Variants in NKD1 observed in about 807,000 individuals in gnomAD.
The protein encoded by NKD1 is protein naked cuticle homolog 1.
A neutral mutation model predicts 56.0 loss-of-function variants in NKD1; 21 were observed. That is an observed-to-expected ratio of 0.38 (90% confidence interval 0.27 to 0.54). The LOEUF (loss-of-function observed/expected upper bound fraction) is 0.54. Ranked by LOEUF, NKD1 falls within the 20% of genes least tolerant of loss-of-function variation. NKD1 has a pLI of 0.82. For synonymous variants in NKD1, 263 were observed against 265.7 expected (o/e 0.99, Z 0.10); for missense variants, 578 against 642.7 (o/e 0.90, Z 1.09).
intron 6 of NKD1, among the ~76,000 whole-genome samples, chr16:50,626,621 C>A (rs1273893656): frequency 6.6e-6 from 1 of 152,178 alleles, no homozygotes; most frequent in Non-Finnish European, 1.5e-5. Flanking sequence ...TCCAGCAGGG[C>A]CAGACTTCTG....
At chr16:50,619,092 G>A (rs1477870014) in intron 4 of NKD1, among the ~76,000 whole-genome samples, 2 of 152,180 alleles carry the variant, frequency 1.3e-5, no homozygotes, top group African/African-American at 4.8e-5. Context: ...TTGAAGTTTG[G>A]TTTCGACAAG....
rs191018794 is a variant in NKD1 at position 50,584,771 on chromosome 16, A to G, written c.193-23523A>G. On this transcript the variant is annotated intron_variant, in intron 3 of 9. Transcript: ENST00000268459. Reference sequence around the variant, plus strand: ...GTTTGGTTTCTTTCCCTTGACCTCCATGGATAAACAAGGGTCTCTTTCATT... The same window carrying G: ...GTTTGGTTTCTTTCCCTTGACCTCCGTGGATAAACAAGGGTCTCTTTCATT... 6.8e-4 allele frequency among the ~76,000 whole-genome samples: 104 copies of G among 152,314 alleles called. No individual in the cohort carries two copies. In the East Asian group the frequency reaches 8.1e-3, roughly 12 times the overall value.
intron 5 of NKD1, among the ~76,000 whole-genome samples, chr16:50,622,299 T>C (rs976374458): frequency 4.6e-5 from 7 of 152,090 alleles, no homozygotes; most frequent in Non-Finnish European, 8.8e-5. Flanking sequence ...AGGGAGTCTT[T>C]GGGAAAAGAA....
intron 3 of NKD1, among the ~76,000 whole-genome samples, chr16:50,550,296 G>A (rs895759695): frequency 1.3e-5 from 2 of 152,134 alleles, no homozygotes; most frequent in Non-Finnish European, 2.9e-5. Context: ...GGCAGTCTGC[G>A]TGGAACTCGC....
At chr16:50,618,268 A>C (rs753824171) in intron 4 of NKD1, among the ~76,000 whole-genome samples, 1 of 152,090 alleles carries the variant, frequency 6.6e-6, no homozygotes, top group Non-Finnish European at 1.5e-5. Context: ...GGCCCCCAAA[A>C]GATAATTTCT....
chr16:50,579,435 C>T (rs1490260465), intron 3 of NKD1, among the ~76,000 whole-genome samples: 6 of 144,556 alleles, frequency 4.2e-5, no homozygotes, highest in Non-Finnish European at 7.6e-5. Flanking sequence ...CCGCTACACA[C>T]GCACTCTAAC....
Position 50,632,466 on chromosome 16 carries a change from C to T in NKD1, c.823+58C>T. ...GAGGGCAGGGCGTGGCTGGACGGGC[C>T]AGGCGGGCCGTGCGGGTGGTGTTCA... is the stretch of plus-strand genomic sequence containing the variant. On this transcript the variant is annotated intron_variant, in intron 9 of 9. Coordinates refer to ENST00000268459, the MANE Select transcript of NKD1 (RefSeq NM_033119.5). This position sits in a 1 kb window ranked among gnomAD's most constrained non-coding sequence, Gnocchi z 4.1. 2 of 1,599,636 alleles carry T rather than the reference C, an allele frequency of 1.3e-6. No homozygotes were observed. The highest frequency in any genetic ancestry group is 2.2e-5 in the South Asian group (2 of 90,202).
At chr16:50,592,284 A>G (rs7204135) in intron 3 of NKD1, among the ~76,000 whole-genome samples, 78,720 of 152,110 alleles carry the variant, frequency 0.52, 21,515 homozygotes, top group African/African-American at 0.63. Flanking sequence ...CACTGTCCCC[A>G]AGTCACTGGC....
At position 50,640,988 on chromosome 16, in the gene NKD1, G is replaced by T. The variant is rs1962568755; in HGVS notation, c.*7207G>T. The T allele has an allele frequency of 6.6e-6, 1 of 152,232 alleles. No individual in the cohort carries two copies. Among genetic ancestry groups the T allele is most frequent in the South Asian group, 2.1e-4 (1 of 4,830 alleles). 9.4% of individuals were successfully genotyped at this position (152,232 alleles called of 1,614,324 possible). A position where few individuals can be genotyped will look rare whatever the true frequency, so the allele number is the denominator to read the frequency against. ...AGAGACGGGAGACCTGAGACTCCAG[G>T]TGGGGGTGTGGAGTCCAAATGGACA... On this transcript the variant is annotated 3_prime_UTR_variant, in exon 10 of 10. Transcript: ENST00000268459.
chr16:50,608,156 G>C, intron 3 of NKD1, 138 bp from the exon 4 acceptor site: 1 of 722,690 alleles, frequency 1.4e-6, no homozygotes, highest in South Asian at 1.5e-5. Flanking sequence ...TAACTTTTCA[G>C]GTGCAATAGG....
intron 6 of NKD1, among the ~76,000 whole-genome samples, chr16:50,627,738 C>T (rs1418844230): frequency 6.6e-6 from 1 of 152,202 alleles, no homozygotes; most frequent in Non-Finnish European, 1.5e-5. Flanking sequence ...CACACCGATT[C>T]CTACGTGTCT....
At position 50,623,995 on chromosome 16, in the gene NKD1, C is replaced by T. The variant is rs1005612826; in HGVS notation, c.367-1490C>T. Reference sequence around the variant, plus strand: ...TGGCTTTGAACTCAGCGTGGGCGCCCGAGAATTGCTGGAGGGAAATGGCTT... The same window carrying T: ...TGGCTTTGAACTCAGCGTGGGCGCCTGAGAATTGCTGGAGGGAAATGGCTT... On this transcript the variant is annotated intron_variant, in intron 5 of 9. Transcript: ENST00000268459. This position sits in a 1 kb window ranked among gnomAD's most constrained non-coding sequence, Gnocchi z 4.1. Among the ~76,000 whole-genome samples the T allele has an allele frequency of 3.3e-5, 5 of 152,012 alleles. No individual in the cohort carries two copies. Among genetic ancestry groups the T allele is most frequent in the Admixed American group, 2.6e-4 (4 of 15,260 alleles).
In NKD1 at chr16:50,594,673, G is replaced by T. The variant is rs183795226; in HGVS notation, c.193-13621G>T. Among the ~76,000 whole-genome samples the T allele has an allele frequency of 1.1e-3, 160 of 152,286 alleles. 2 individuals carry two copies. Among genetic ancestry groups the T allele is most frequent in the Non-Finnish European group, 5.1e-4 (35 of 68,034 alleles). ...AGGAGGTATGGGCTTTCATTCTCCTGCACCAGGCTCAGGGCCACCTGGGGT... is the reference window on the plus strand; with the variant it reads ...AGGAGGTATGGGCTTTCATTCTCCTTCACCAGGCTCAGGGCCACCTGGGGT... On this transcript the variant is annotated intron_variant, in intron 3 of 9. Coordinates refer to ENST00000268459, the MANE Select transcript of NKD1 (RefSeq NM_033119.5).
At chr16:50,624,270 A>G (rs983015600) in intron 5 of NKD1, among the ~76,000 whole-genome samples, 13 of 152,080 alleles carry the variant, frequency 8.5e-5, no homozygotes, top group African/African-American at 3.1e-4. Context: ...CATGCTTCCT[A>G]GAACTGTCTA....
At position 50,625,479 on chromosome 16, in the gene NKD1, A is replaced by G. The variant is rs368290128; in HGVS notation, c.367-6A>G. On this transcript the variant is annotated splice_region_variant and splice_polypyrimidine_tract_variant and intron_variant, in intron 5 of 9. Coordinates refer to ENST00000268459, the MANE Select transcript of NKD1 (RefSeq NM_033119.5). ...GGACCAGCCCCGCCCATCTCTCTGC[A>G]TCCAGGAGCTCCAGTGCGACGTGTC... 1.3e-4 allele frequency: 206 copies of G among 1,604,116 alleles called. No homozygotes were observed. The highest frequency in any genetic ancestry group is 1.7e-4 in the Non-Finnish European group (201 of 1,171,396).
chr16:50,633,953 C>A lies in NKD1; in HGVS notation c.*172C>A. The stretch of plus-strand genomic sequence containing the variant: ...GTAGAAGATCTATGGAAACACAGAA[C>A]TAAACTTTTATTTATATGTTGTGGG... On this transcript the variant is annotated 3_prime_UTR_variant, in exon 10 of 10. Coordinates refer to ENST00000268459, the MANE Select transcript of NKD1 (RefSeq NM_033119.5). The surrounding 1 kb of genome is among the most constrained non-coding windows in gnomAD (Gnocchi z 4.9). The A allele has an allele frequency of 1.9e-6, 1 of 516,794 alleles. No homozygotes were observed. The highest frequency in any genetic ancestry group is 3.4e-6 in the Non-Finnish European group (1 of 290,706). 32.0% of individuals were successfully genotyped at this position (516,794 alleles called of 1,614,324 possible). A position where few individuals can be genotyped will look rare whatever the true frequency, so the allele number is the denominator to read the frequency against.
intron 3 of NKD1, among the ~76,000 whole-genome samples, chr16:50,590,681 A>T (rs1961346126): frequency 6.6e-6 from 1 of 152,246 alleles, no homozygotes; most frequent in African/African-American, 2.4e-5. Context: ...CCAGCATCAC[A>T]CAACCTGTAG....
chr16:50,627,707 G>T (rs1057242258), intron 6 of NKD1, among the ~76,000 whole-genome samples: 3 of 152,202 alleles, frequency 2.0e-5, no homozygotes, highest in African/African-American at 7.2e-5. Context: ...TCAGGCGTTC[G>T]TTCATGCAGG....
chr16:50,605,466 G>T (rs1257348887), intron 3 of NKD1, among the ~76,000 whole-genome samples: 1 of 152,196 alleles, frequency 6.6e-6, no homozygotes, highest in East Asian at 1.9e-4. Flanking sequence ...CGCTTACACA[G>T]TTGGCCCTCC....
Sources: gnomAD v4.1 joint callset for allele counts (sites outside exome capture counted in the v4.1 genomes callset) on GRCh38, gnomAD v4.1.1 for gene constraint, Gnocchi (gnomAD v3.1) non-coding constraint, MANE v1.5 for transcripts, NCBI Gene and HGNC (gene_info 2026-07-23, HGNC 2026-07-21) for gene names.